Variants in CCL22 observed in about 807,000 individuals in gnomAD.
The protein encoded by CCL22 is C-C motif chemokine ligand 22.
A neutral mutation model predicts 7.6 loss-of-function variants in CCL22; 7 were observed. That is an observed-to-expected ratio of 0.92 (90% confidence interval 0.52 to 1.72). The LOEUF (loss-of-function observed/expected upper bound fraction) is 1.72, where lower values mean the gene tolerates loss of function less well. Ranked by LOEUF, CCL22 falls within the 40% of genes most tolerant of loss-of-function variation. CCL22 has a pLI of 0.00. For missense variants in CCL22, 115 were observed against 124.7 expected (o/e 0.92, Z 0.37); for synonymous variants, 55 against 47.2 (o/e 1.17, Z -0.68).
intron 1 of CCL22, among the ~76,000 whole-genome samples, chr16:57,359,262 G>A (rs1452462247): frequency 6.6e-6 from 1 of 152,096 alleles, no homozygotes; most frequent in African/African-American, 2.4e-5. Flanking sequence ...GAAAGCTGGT[G>A]CTGCCCTCCC....
In CCL22 at chr16:57,359,423, C is replaced by G. The variant is rs183067212; in HGVS notation, c.73+534C>G. Among the ~76,000 whole-genome samples the G allele has an allele frequency of 8.7e-3, 1,330 of 152,020 alleles. 12 individuals carry two copies. Among genetic ancestry groups the G allele is most frequent in the Non-Finnish European group, 0.014 (960 of 68,004 alleles). On this transcript the variant is annotated intron_variant, in intron 1 of 2. Transcript: ENST00000219235. ...CTCTACCTCCCAGGTTCAAGCGATT[C>G]TCCTGCCTCAGCCTCCTGAGTAGCT...
intron 2 of CCL22, among the ~76,000 whole-genome samples, chr16:57,361,787 C>T (rs572585156): frequency 3.4e-4 from 51 of 152,210 alleles, no homozygotes; most frequent in African/African-American, 1.2e-3. Flanking sequence ...CCACTTTGGG[C>T]CTCTATTATC....
rs1415870291 is a variant in CCL22, at chr16:57,365,402, A to G, written c.*1814A>G. ...CTTAAGAGGCCAAATAGATGAATGG[A>G]AGAATTTTAGGAACTGTGAGAGGGG... On this transcript the variant is annotated 3_prime_UTR_variant, in exon 3 of 3. Transcript: ENST00000219235. The G allele has an allele frequency of 6.6e-6, 1 of 152,234 alleles. No individual in the cohort carries two copies. The highest frequency in any genetic ancestry group is 2.4e-5 in the African/African-American group (1 of 41,454). 9.4% of individuals were successfully genotyped at this position (152,234 alleles called of 1,614,324 possible).
Position 57,360,444 on chromosome 16 carries a change from C to G in CCL22, c.81C>G (p.Tyr27Ter). 6.2e-7 allele frequency: 1 copy of G among 1,614,164 alleles called. No homozygotes were observed. The highest frequency in any genetic ancestry group is 8.5e-7 in the Non-Finnish European group (1 of 1,180,020). ...TGGGGACCCCTCCCCTAGGCCCCTA[C>G]GGCGCCAACATGGAAGACAGCGTCT... The part of the protein sequence containing the change: ...VALQATEAGP[Y>*]GANMEDSVCC... Residue 27 changes from tyrosine (Y) to a stop codon, truncating the protein, a stop_gained, in exon 2 of 3, where the codon TAC becomes TAG. Transcript: ENST00000219235. LOFTEE classifies it high-confidence loss of function.
At chr16:57,358,705 C>A (rs1267379569), upstream of CCL22, 3 of 783,952 alleles carry the variant, frequency 3.8e-6, no homozygotes, top group East Asian at 7.4e-5. Flanking sequence ...TCTGGGCACC[C>A]CGGTGACTAA....
At position 57,361,762 on chromosome 16, in the gene CCL22, T is replaced by G. The variant is rs1382028722; in HGVS notation, c.197+1202T>G. ...AATCTCACACCTGGGGAGGCTGGGT[T>G]TGGGGACTCATGACCCACTTTGGGC... is the stretch of plus-strand genomic sequence containing the variant. On this transcript the variant is annotated intron_variant, in intron 2 of 2. Coordinates refer to ENST00000219235, the MANE Select transcript of CCL22 (RefSeq NM_002990.5). Among the ~76,000 whole-genome samples the G allele has an allele frequency of 1.3e-5, 2 of 152,128 alleles. 1 individual carries two copies. The highest frequency in any genetic ancestry group is 4.8e-5 in the African/African-American group (2 of 41,428).
At chr16:57,358,124 G>A (rs1026091039), upstream of CCL22, among the ~76,000 whole-genome samples, 2 of 152,124 alleles carry the variant, frequency 1.3e-5, no homozygotes, top group Non-Finnish European at 2.9e-5. Context: ...GATTTAGGAA[G>A]CAGAATCAAC....
intron 2 of CCL22, among the ~76,000 whole-genome samples, chr16:57,361,014 C>T (rs223820): frequency 0.77 from 116,931 of 151,976 alleles, 48,357 homozygotes; most frequent in Non-Finnish European, 0.93. Context: ...AATCCCAGCA[C>T]TTTGGGAGGC....
intron 2 of CCL22, among the ~76,000 whole-genome samples, chr16:57,361,465 A>G (rs143394156): frequency 3.3e-5 from 5 of 152,272 alleles, no homozygotes; most frequent in Non-Finnish European, 7.4e-5. Context: ...AGGAAGTTCA[A>G]CGATTCCCAT....
chr16:57,363,274 C>T (rs1030067665), intron 2 of CCL22, among the ~76,000 whole-genome samples: 4 of 152,180 alleles, frequency 2.6e-5, no homozygotes, highest in East Asian at 1.9e-4. Context: ...GGATTACAGG[C>T]GTGAACTCCT....
At position 57,358,849 on chromosome 16, in the gene CCL22, C is replaced by A; in HGVS notation, c.33C>A (p.Val11=). Residue 11 remains valine (V), a synonymous_variant, in exon 1 of 3, where the codon GTC becomes GTA. Transcript: ENST00000219235. The part of the protein sequence containing the change: MDRLQTALLV[V]LVLLAVALQA... ...GCCTACAGACTGCACTCCTGGTTGT[C>A]CTCGTCCTCCTTGCTGTGGCGCTTC... is the stretch of plus-strand genomic sequence containing the variant. 6.2e-7 allele frequency: 1 copy of A among 1,613,912 alleles called. No individual in the cohort carries two copies.
chr16:57,363,512 C>A lies in CCL22; in HGVS notation c.206C>A (p.Thr69Asn), dbSNP rs753783518. 12 of 1,612,050 alleles carry A rather than the reference C, an allele frequency of 7.4e-6. No individual in the cohort carries two copies. In the Middle Eastern group the frequency reaches 9.9e-4, roughly 133 times the overall value. The change falls in exon 3 of 3, where the codon ACC (threonine) becomes AAC (asparagine). Residue 69 changes from threonine (T) to asparagine (N), a missense_variant. By Grantham distance (65) the Thr-to-Asn change is moderately conservative. Transcript: ENST00000219235. The part of the protein sequence containing the change: ...SCPRPGVVLL[T>N]FRDKEICADP... ...GGGTCTCCTTCTTCCAGGTTGCTAACCTTCAGGGATAAGGAGATCTGTGCC... is the reference window on the plus strand; with the variant it reads ...GGGTCTCCTTCTTCCAGGTTGCTAAACTTCAGGGATAAGGAGATCTGTGCC...
At chr16:57,360,614 G>A (rs1902038827) in intron 2 of CCL22, 54 bp downstream of exon 2, 2 of 1,609,720 alleles carry the variant, frequency 1.2e-6, no homozygotes, top group Admixed American at 1.7e-5. Flanking sequence ...GGTACAGCCT[G>A]GGATGGCCCA....
In CCL22 at chr16:57,363,767, G is replaced by C. The variant is rs1173291935; in HGVS notation, c.*179G>C. On this transcript the variant is annotated 3_prime_UTR_variant, in exon 3 of 3. Transcript: ENST00000219235. ...GTGCTGTCACTGCCATCTCCCCCCTGACCCCTCTAACCCATCCTCTGCCTC... is the reference window on the plus strand; with the variant it reads ...GTGCTGTCACTGCCATCTCCCCCCTCACCCCTCTAACCCATCCTCTGCCTC... The C allele has an allele frequency of 2.5e-5, 15 of 598,456 alleles. No homozygotes were observed. The highest frequency in any genetic ancestry group is 3.9e-5 in the South Asian group (2 of 51,888). The allele number at this position is 598,456 out of a possible 1,614,324, so 37.1% of individuals were successfully genotyped here. A position where few individuals can be genotyped will look rare whatever the true frequency, so the allele number is the denominator to read the frequency against.
chr16:57,362,730 G>A (rs945732850), intron 2 of CCL22, among the ~76,000 whole-genome samples: 5 of 151,918 alleles, frequency 3.3e-5, no homozygotes, highest in African/African-American at 7.3e-5. Context: ...GTGTTGTGGC[G>A]GGCACCTGTA....
upstream of CCL22, among the ~76,000 whole-genome samples, chr16:57,358,498 T>C (rs1388309387): frequency 6.6e-5 from 10 of 152,158 alleles, no homozygotes; most frequent in Admixed American, 6.5e-4. Context: ...CACCCAGACA[T>C]GGCCAAGGCC....
At chr16:57,358,222 G>A (rs552290207), upstream of CCL22, among the ~76,000 whole-genome samples, 1 of 152,336 alleles carries the variant, frequency 6.6e-6, no homozygotes, top group African/African-American at 2.4e-5. Context: ...CAGGACAGAA[G>A]TGTGGGTAGA....
upstream of CCL22, chr16:57,358,774 T>C (rs1453447432): frequency 6.9e-7 from 1 of 1,458,890 alleles, no homozygotes. Flanking sequence ...GGTCTTCCTA[T>C]GTCCCTTTGC....
upstream of CCL22, among the ~76,000 whole-genome samples, chr16:57,358,261 C>T (rs534950931): frequency 3.9e-5 from 6 of 152,318 alleles, no homozygotes; most frequent in East Asian, 1.9e-4. Context: ...GAGAAATCCA[C>T]GACCTGGCCC....
Sources: gnomAD v4.1 joint callset for allele counts (sites outside exome capture counted in the v4.1 genomes callset) on GRCh38, gnomAD v4.1.1 for gene constraint, MANE v1.5 for transcripts, NCBI Gene and HGNC (gene_info 2026-07-23, HGNC 2026-07-21) for gene names.